FHL2: variants seen among roughly 807,000 people sequenced by gnomAD.
The protein encoded by FHL2 is four and a half LIM domains 2, also known as four and a half LIM domains protein 2.
In FHL2, 20 loss-of-function variants were observed where a neutral mutation model predicts 32.7. The ratio of observed to expected loss-of-function variants is 0.61; its 90% CI spans 0.43 to 0.89. The LOEUF (loss-of-function observed/expected upper bound fraction) is 0.89. FHL2 is among the 40% of genes least tolerant of loss of function. FHL2 has a pLI of 0.00. For missense variants in FHL2, 311 were observed against 358.6 expected (o/e 0.87, Z 1.07); for synonymous variants, 123 against 128.1 (o/e 0.96, Z 0.27).
Position 105,433,569 on chromosome 2 carries a change from G to A in FHL2, c.-25+4830C>T, listed in dbSNP as rs116800090. Among the ~76,000 whole-genome samples the A allele has an allele frequency of 7.4e-3, 1,120 of 152,260 alleles. 12 individuals are homozygous for A. The highest frequency in any genetic ancestry group is 0.026 in the African/African-American group (1,061 of 41,558). Reference sequence around the variant, plus strand: ...GTGTGAAACTGGCATTGCACTGCTTGTATTTAAATCTGGCTTCCCCTGTAC... The same window carrying A: ...GTGTGAAACTGGCATTGCACTGCTTATATTTAAATCTGGCTTCCCCTGTAC... On this transcript the variant is annotated intron_variant, in intron 1 of 5. Coordinates refer to the FHL2 transcript ENST00000393352.
At chr2:105,436,548 C>A (rs11883779) in intron 1 of FHL2, among the ~76,000 whole-genome samples, 18,210 of 151,774 alleles carry the variant, frequency 0.12, 1,301 homozygotes, top group South Asian at 0.21. Flanking sequence ...TAGCAAATAA[C>A]TTGATTTATA....
intron 1 of FHL2, among the ~76,000 whole-genome samples, chr2:105,407,209 G>A (rs1184869660): frequency 6.6e-6 from 1 of 152,000 alleles, no homozygotes; most frequent in East Asian, 1.9e-4. Context: ...TGGCTAACAC[G>A]GTGAAACCCT....
At chr2:105,435,774 A>T (rs1167485010) in intron 1 of FHL2, among the ~76,000 whole-genome samples, 2 of 152,230 alleles carry the variant, frequency 1.3e-5, no homozygotes, top group Non-Finnish European at 2.9e-5. Flanking sequence ...GTGAGCCGAG[A>T]TTGTGCCACT....
chr2:105,370,408 T>C (rs1408322903), intron 4 of FHL2, among the ~76,000 whole-genome samples: 6 of 150,864 alleles, frequency 4.0e-5, no homozygotes, highest in African/African-American at 1.5e-4. Flanking sequence ...GAGCCAGAAA[T>C]TTGGTTGCAG....
rs961774065 is a variant in FHL2 at position 105,396,731 on chromosome 2, T to C, written c.-75-34A>G. On this transcript the variant is annotated intron_variant, in intron 1 of 6. Coordinates refer to ENST00000530340, the MANE Select transcript of FHL2 (RefSeq NM_001318895.3). ...AGCACACGTGTTTTGTTTCAGATGGTCATCTTGAGGAAGCGAACTCAGTAT... is the reference window on the plus strand; with the variant it reads ...AGCACACGTGTTTTGTTTCAGATGGCCATCTTGAGGAAGCGAACTCAGTAT... 4.4e-6 allele frequency: 7 copies of C among 1,607,386 alleles called. No homozygotes were observed. In the African/African-American group the frequency reaches 6.7e-5, roughly 15 times the overall value.
upstream of FHL2, among the ~76,000 whole-genome samples, chr2:105,399,961 G>A (rs1002439287): frequency 6.6e-6 from 1 of 152,152 alleles, no homozygotes; most frequent in Non-Finnish European, 1.5e-5. Context: ...CTCCAGAGAA[G>A]GCGGGAAGAA....
At chr2:105,370,387 A>T (rs1476947393) in intron 4 of FHL2, among the ~76,000 whole-genome samples, 2 of 151,896 alleles carry the variant, frequency 1.3e-5, no homozygotes, top group African/African-American at 2.4e-5. Flanking sequence ...AAAAAAAAAA[A>T]GTCAAATGAG....
chr2:105,428,180 C>T (rs1374985280), intron 1 of FHL2, among the ~76,000 whole-genome samples: 1 of 152,174 alleles, frequency 6.6e-6, no homozygotes, highest in East Asian at 1.9e-4. Context: ...AACAAAGGTC[C>T]TTTTAGATTC....
chr2:105,436,344 T>G (rs774641661), intron 1 of FHL2, among the ~76,000 whole-genome samples: 3 of 152,192 alleles, frequency 2.0e-5, no homozygotes, highest in Non-Finnish European at 2.9e-5. Flanking sequence ...GATGTTATAT[T>G]GCTATATTCT....
At chr2:105,433,605 C>T (rs1360691371) in intron 1 of FHL2, among the ~76,000 whole-genome samples, 5 of 152,112 alleles carry the variant, frequency 3.3e-5, no homozygotes, top group Admixed American at 2.6e-4. Flanking sequence ...TGCCTCTGTG[C>T]CCCTTTGCCT....
intron 1 of FHL2, among the ~76,000 whole-genome samples, chr2:105,429,716 C>T (rs1684370922): frequency 6.6e-6 from 1 of 152,198 alleles, no homozygotes; most frequent in Non-Finnish European, 1.5e-5. Context: ...GCTACGGCAT[C>T]CATAGGAAAC....
chr2:105,409,984 C>T (rs1683746506), intron 1 of FHL2, among the ~76,000 whole-genome samples: 1 of 152,232 alleles, frequency 6.6e-6, no homozygotes, highest in Non-Finnish European at 1.5e-5. Context: ...ACCAGGAGCT[C>T]AGCCCACTTA....
chr2:105,365,981 G>A (rs1417763036), intron 5 of FHL2, among the ~76,000 whole-genome samples: 1 of 152,030 alleles, frequency 6.6e-6, no homozygotes, highest in African/African-American at 2.4e-5. Context: ...GAGGCAGGTC[G>A]ATCACCTGAG....
At chr2:105,399,220 A>T (rs1340749139), upstream of FHL2, 1 of 1,532,700 alleles carries the variant, frequency 6.5e-7, no homozygotes, top group East Asian at 2.5e-5. Flanking sequence ...CCCGGCCCGT[A>T]CCCTTTGTTT....
Position 105,367,733 on chromosome 2 carries a change from C to T in FHL2, c.338G>A (p.Arg113His), listed in dbSNP as rs752531815. Residue 113 changes from arginine (R) to histidine (H), a missense_variant, in exon 5 of 7, where the codon CGC (arginine) becomes CAC (histidine). Transcript: ENST00000530340. ...GCTGCTGCCCTTGTACTCCATCTTG[C>T]GGGTACCTGTCATCAGGGTCAAGAG... is the stretch of plus-strand genomic sequence containing the variant. ...ECKKTIMPGTRKMEYKGSSWH... is the reference protein window; with the variant it reads ...ECKKTIMPGTHKMEYKGSSWH... The T allele has an allele frequency of 3.6e-5, 58 of 1,613,228 alleles. No homozygotes were observed. The Middle Eastern group carries it at 6.6e-4, about 18-fold the overall frequency.
intron 1 of FHL2, 56 bp from the exon 2 acceptor site, chr2:105,396,753 G>C: frequency 1.3e-6 from 2 of 1,520,776 alleles, no homozygotes; most frequent in Non-Finnish European, 1.8e-6. Context: ...AGCGAACTCA[G>C]TATAATGCAA....
In FHL2 at chr2:105,391,097, T is replaced by G. The variant is rs143841283; in HGVS notation, c.-24-4557A>C. 3.3e-3 allele frequency among the ~76,000 whole-genome samples: 509 copies of G among 152,112 alleles called. 2 individuals are homozygous for G. Among genetic ancestry groups the G allele is most frequent in the African/African-American group, 0.012 (483 of 41,478 alleles). ...ATCCGCCTGCCTTGGCCTCCTAAAG[T>G]GCTAGGATTACAGTCATGAGCCACT... On this transcript the variant is annotated intron_variant, in intron 2 of 6. Coordinates refer to ENST00000530340, the MANE Select transcript of FHL2 (RefSeq NM_001318895.3).
chr2:105,435,169 A>C (rs1684569226), intron 1 of FHL2, among the ~76,000 whole-genome samples: 1 of 151,694 alleles, frequency 6.6e-6, no homozygotes, highest in Non-Finnish European at 1.5e-5. Context: ...GTTCTATGCA[A>C]ACTTTATTTT....
rs1000490843 is a variant in FHL2, at chr2:105,384,027, C to T, written c.156+2334G>A. Among the ~76,000 whole-genome samples, 14 of 152,278 alleles carry T rather than the reference C, an allele frequency of 9.2e-5. No individual in the cohort carries two copies. The East Asian group carries it at 1.2e-3, about 13-fold the overall frequency. On this transcript the variant is annotated intron_variant, in intron 3 of 6. Transcript: ENST00000530340. ...CTTGTTTATTTGCTCATAAAACATG[C>T]GTGGAAGGATGACGGCTTTTAAGGG...
Sources: allele counts gnomAD v4.1 joint callset (sites outside exome capture counted in the v4.1 genomes callset), GRCh38; gene constraint gnomAD v4.1.1; transcripts MANE v1.5; gene names NCBI Gene and HGNC (gene_info 2026-07-23, HGNC 2026-07-21).